Variants in ANK3 observed in about 807,000 individuals in gnomAD.
ANK3 encodes ankyrin 3.
ANK3 carries 57 observed loss-of-function variants against 370.9 expected under a neutral mutation model. The observed-to-expected ratio is 0.15, with a 90% confidence interval of 0.12 to 0.19. ANK3 has a LOEUF of 0.19. ANK3 is among the 10% of genes least tolerant of loss of function. The probability of loss-of-function intolerance (pLI) is 1.00; values close to 1 mark genes in which losing one functional copy is unlikely to be tolerated. For synonymous variants in ANK3, 1,929 were observed against 1,946.3 expected (o/e 0.99, Z 0.23); for missense variants, 4,439 against 5,302.1 (o/e 0.84, Z 5.06).
At chr10:60,430,534 C>G (rs939785785) in intron 2 of ANK3, among the ~76,000 whole-genome samples, 1 of 152,052 alleles carries the variant, frequency 6.6e-6, no homozygotes, top group African/African-American at 2.4e-5. Flanking sequence ...AATCAGGACA[C>G]TATTAAGATT....
intron 4 of ANK3, among the ~76,000 whole-genome samples, chr10:60,272,408 G>A (rs1024343515): frequency 1.6e-4 from 25 of 152,032 alleles, no homozygotes; most frequent in African/African-American, 5.6e-4. Flanking sequence ...TGCTCTCTCC[G>A]AAAGCTGAAA....
intron 23 of ANK3, among the ~76,000 whole-genome samples, chr10:60,142,907 C>T (rs575833417): frequency 5.9e-5 from 9 of 152,200 alleles, no homozygotes; most frequent in African/African-American, 1.9e-4. Flanking sequence ...GACTGGGTGA[C>T]CTTTGAAATA....
chr10:60,055,859 A>C lies in ANK3; in HGVS notation c.12864T>G (p.His4288Gln), dbSNP rs1317740010. 4 of 1,614,172 alleles carry C rather than the reference A, an allele frequency of 2.5e-6. No homozygotes were observed. Among genetic ancestry groups the C allele is most frequent in the Non-Finnish European group, 3.4e-6 (4 of 1,180,008 alleles). Residue 4288 changes from histidine (H) to glutamine (Q), a missense_variant, in exon 42 of 44, where the codon CAT becomes CAG. His to Gln is a conservative substitution (Grantham distance 24). Transcript: ENST00000280772. ...STKETLKPKI[H>Q]GSGHVEEPAS... ...CTGGTTCTTCAACATGACCAGATCC[A>C]TGTATTTTTGGTTTCAGAGTTTCCT... is the stretch of plus-strand genomic sequence containing the variant.
intron 42 of ANK3, chr10:60,050,660 C>T (rs1009457722): frequency 1.3e-5 from 2 of 152,138 alleles, no homozygotes; most frequent in African/African-American, 4.8e-5. Context: ...TTAGAAAGAT[C>T]TGATGACGAA....
chr10:60,388,280 C>T (rs1028681236), intron 1 of ANK3, among the ~76,000 whole-genome samples: 1 of 152,148 alleles, frequency 6.6e-6, no homozygotes, highest in Non-Finnish European at 1.5e-5. Context: ...TCAAAGTCAG[C>T]TATGCAACAA....
intron 28 of ANK3, among the ~76,000 whole-genome samples, chr10:60,094,217 T>G (rs1433869669): frequency 7.4e-6 from 1 of 134,362 alleles, no homozygotes; most frequent in Non-Finnish European, 1.6e-5. Flanking sequence ...AGGGTCTCAC[T>G]CACTCTGTTG....
chr10:60,083,546 T>C lies in ANK3; in HGVS notation c.4146A>G (p.Gln1382=), dbSNP rs1164141298. 2.5e-6 allele frequency: 4 copies of C among 1,611,862 alleles called. No individual in the cohort carries two copies. The African/African-American group carries it at 5.3e-5, about 22-fold the overall frequency. ...NLAPLTKGGQ[Q]LVFNFYSFKE... is the part of the protein sequence containing the mutation. ...TGAAAGAATAAAAGTTAAAAACAAG[T>C]TGCTGTCCTCCTTTGGTAAGTGGGG... The change falls in exon 33 of 44, where the codon CAA becomes CAG. Residue 1382 remains glutamine (Q), a synonymous_variant. Coordinates refer to ENST00000280772, the MANE Select transcript of ANK3 (RefSeq NM_020987.5).
chr10:60,374,308 G>A (rs2060489701), intron 1 of ANK3, among the ~76,000 whole-genome samples: 1 of 152,104 alleles, frequency 6.6e-6, no homozygotes, highest in Non-Finnish European at 1.5e-5. Flanking sequence ...ATACTTCCAT[G>A]TAGAGTATCT....
chr10:60,609,028 A>G (rs1282186903), intron 2 of ANK3, among the ~76,000 whole-genome samples: 1 of 152,128 alleles, frequency 6.6e-6, no homozygotes, highest in East Asian at 1.9e-4. Context: ...CTACCTGGAA[A>G]ATGGGGTTAG....
intron 12 of ANK3, among the ~76,000 whole-genome samples, chr10:60,201,993 G>A (rs892189381): frequency 1.3e-5 from 2 of 152,038 alleles, no homozygotes; most frequent in African/African-American, 4.8e-5. Context: ...GGGATTACAG[G>A]CGTGAGCCAC....
intron 1 of ANK3, among the ~76,000 whole-genome samples, chr10:60,692,204 T>G (rs2079364582): frequency 6.6e-6 from 1 of 152,198 alleles, no homozygotes; most frequent in Non-Finnish European, 1.5e-5. Flanking sequence ...GAAGACAATA[T>G]CAAATCACTG....
intron 2 of ANK3, among the ~76,000 whole-genome samples, chr10:60,506,221 T>C (rs1227965291): frequency 6.6e-6 from 1 of 152,130 alleles, no homozygotes; most frequent in Admixed American, 6.6e-5. Flanking sequence ...GCTGTTCTTC[T>C]ATAACAGCTA....
chr10:60,218,168 T>C (rs1410519803), intron 8 of ANK3, among the ~76,000 whole-genome samples: 1 of 151,246 alleles, frequency 6.6e-6, no homozygotes, highest in Non-Finnish European at 1.5e-5. Flanking sequence ...TTTGAGCCTA[T>C]GTGTGTCTTT....
intron 1 of ANK3, among the ~76,000 whole-genome samples, chr10:60,358,121 AACAC>A (rs1475380247): frequency 3.2e-4 from 4 of 12,506 alleles, no homozygotes; most frequent in Admixed American, 9.0e-4. Context: ...CACACACACA[AACAC>A]ACACACACAC....
At chr10:60,379,651 C>T (rs1430023413) in intron 1 of ANK3, among the ~76,000 whole-genome samples, 3 of 151,682 alleles carry the variant, frequency 2.0e-5, no homozygotes, top group Non-Finnish European at 4.4e-5. Context: ...CATTCATACG[C>T]AGACACTAAA....
chr10:60,194,917 G>T (rs561033960), intron 16 of ANK3, among the ~76,000 whole-genome samples: 89 of 152,210 alleles, frequency 5.8e-4, no homozygotes, highest in African/African-American at 2.0e-3. Flanking sequence ...AATATCTGTC[G>T]AAGATAACAT....
intron 2 of ANK3, among the ~76,000 whole-genome samples, chr10:60,569,239 T>C (rs538473729): frequency 6.6e-6 from 1 of 152,322 alleles, no homozygotes; most frequent in East Asian, 1.9e-4. Context: ...AAGCTTGAAA[T>C]TCCACCATGA....
chr10:60,214,793 G>A (rs1451260482), intron 8 of ANK3, among the ~76,000 whole-genome samples: 1 of 152,096 alleles, frequency 6.6e-6, no homozygotes, highest in African/African-American at 2.4e-5. Flanking sequence ...TCATGTCTTT[G>A]CTATTGTAAA....
intron 28 of ANK3, among the ~76,000 whole-genome samples, chr10:60,098,104 A>T (rs2090495256): frequency 6.6e-6 from 1 of 152,186 alleles, no homozygotes; most frequent in African/African-American, 2.4e-5. Flanking sequence ...TATGTTCCTC[A>T]TCTATGTGAT....
Sources: gnomAD v4.1 joint callset for allele counts (sites outside exome capture counted in the v4.1 genomes callset) on GRCh38, gnomAD v4.1.1 for gene constraint, MANE v1.5 for transcripts, NCBI Gene and HGNC (gene_info 2026-07-23, HGNC 2026-07-21) for gene names.